The following ZNF469 variants were observed in gnomAD, a reference collection of about 807,000 sequenced individuals.
ZNF469 encodes zinc finger protein 469.
A neutral mutation model predicts 1.0 loss-of-function variants in ZNF469; 1 was observed. The observed-to-expected ratio is 1.00, with a 90% CI of 0.35 to 4.73. ZNF469 has a LOEUF of 4.73. Ranked by LOEUF, ZNF469 falls within the 30% of genes most tolerant of loss-of-function variation. The pLI is 0.16. For synonymous variants in ZNF469, 2,703 were observed against 2,363.4 expected, an observed-to-expected ratio of 1.14 and a Z score of -4.17; for missense variants, 6,100 against 5,356.3, an observed-to-expected ratio of 1.14 and a Z score of -4.33.
At chr16:88,236,609 G>C in the ZNF469 span, among the ~76,000 whole-genome samples, 1 of 152,266 alleles carries the variant, frequency 6.6e-6, no homozygotes, top group African/African-American at 2.4e-5. Context: ...TCTCACGCCT[G>C]TAATCCCAGC....
chr16:88,138,598 T>A, the ZNF469 span, among the ~76,000 whole-genome samples: 1 of 152,266 alleles, frequency 6.6e-6, no homozygotes, highest in South Asian at 2.1e-4. Context: ...ACATTTAGAG[T>A]CATGAAAGGT....
the ZNF469 span, among the ~76,000 whole-genome samples, chr16:88,304,722 A>G: frequency 6.6e-6 from 1 of 152,216 alleles, no homozygotes; most frequent in East Asian, 1.9e-4. Flanking sequence ...CCTCCCAAAG[A>G]GCATCTGCTC....
chr16:88,251,122 C>A, the ZNF469 span, among the ~76,000 whole-genome samples: 6 of 152,206 alleles, frequency 3.9e-5, no homozygotes, highest in African/African-American at 1.4e-4. Context: ...AGGTGATCCA[C>A]CCGCCTCAGC....
chr16:88,226,779 TCCTG>T, the ZNF469 span, among the ~76,000 whole-genome samples: 2 of 142,184 alleles, frequency 1.4e-5, no homozygotes, highest in Non-Finnish European at 3.1e-5. Flanking sequence ...CCTCCTCCCT[TCCTG>T]CCTTTAGTGG....
chr16:88,270,746 C>G, the ZNF469 span, among the ~76,000 whole-genome samples: 1 of 152,244 alleles, frequency 6.6e-6, no homozygotes, highest in Non-Finnish European at 1.5e-5. Flanking sequence ...CATTCCTCCT[C>G]TCTGGGAAGG....
chr16:88,239,278 T>A, the ZNF469 span, among the ~76,000 whole-genome samples: 2 of 152,130 alleles, frequency 1.3e-5, no homozygotes, highest in African/African-American at 4.8e-5. Context: ...TGGGAAAAAA[T>A]TGAAAAGTAG....
At chr16:88,374,396 G>C in the ZNF469 span, among the ~76,000 whole-genome samples, 1 of 152,230 alleles carries the variant, frequency 6.6e-6, no homozygotes, top group Non-Finnish European at 1.5e-5. Context: ...AGGTGCGGGA[G>C]ACTAGGGAGC....
the ZNF469 span, among the ~76,000 whole-genome samples, chr16:88,198,312 G>A: frequency 6.6e-6 from 1 of 152,234 alleles, no homozygotes; most frequent in African/African-American, 2.4e-5. Context: ...CCCAGCGGGG[G>A]ACTTTGGAGC....
the ZNF469 span, among the ~76,000 whole-genome samples, chr16:88,249,576 A>G: frequency 6.6e-6 from 1 of 151,608 alleles, no homozygotes; most frequent in African/African-American, 2.4e-5. Flanking sequence ...AGCTGGGACT[A>G]CAGGTGCCTG....
At chr16:88,293,681 C>T in the ZNF469 span, among the ~76,000 whole-genome samples, 3 of 152,076 alleles carry the variant, frequency 2.0e-5, no homozygotes, top group Admixed American at 2.0e-4. Flanking sequence ...GTGTATTTTC[C>T]CTCTTAACCT....
chr16:88,234,281 G>T, the ZNF469 span, among the ~76,000 whole-genome samples: 1 of 152,264 alleles, frequency 6.6e-6, no homozygotes, highest in Non-Finnish European at 1.5e-5. Flanking sequence ...TGAGTGAGCT[G>T]AAGGATTTAA....
At chr16:88,169,002 T>A in the ZNF469 span, among the ~76,000 whole-genome samples, 1 of 152,004 alleles carries the variant, frequency 6.6e-6, no homozygotes, top group Non-Finnish European at 1.5e-5. The surrounding 1 kb of genome is among the most constrained non-coding windows in gnomAD (Gnocchi z 6.1). Flanking sequence ...GAGGACGCCA[T>A]CTGGAAGGAT....
the ZNF469 span, among the ~76,000 whole-genome samples, chr16:88,257,115 AT>A: frequency 0.29 from 34,258 of 116,910 alleles, 3,845 homozygotes; most frequent in East Asian, 0.42. Context: ...TACCCCACTA[AT>A]TTTTTTTTTT....
chr16:88,227,229 G>A, the ZNF469 span, among the ~76,000 whole-genome samples: 1,164 of 152,292 alleles, frequency 7.6e-3, 19 homozygotes, highest in African/African-American at 0.027. Flanking sequence ...ACATAAGGGC[G>A]GGCACCTGAC....
At chr16:88,208,604 G>A in the ZNF469 span, among the ~76,000 whole-genome samples, 1 of 63,052 alleles carries the variant, frequency 1.6e-5, no homozygotes, top group Non-Finnish European at 3.7e-5. Flanking sequence ...AGAAAGGGAG[G>A]CAGGGAGGGA....
the ZNF469 span, among the ~76,000 whole-genome samples, chr16:88,139,691 A>T: frequency 2.0e-5 from 3 of 152,124 alleles, no homozygotes; most frequent in African/African-American, 7.2e-5. Context: ...AGTGGATCTG[A>T]AACCTTTTTG....
At chr16:88,273,181 G>C in the ZNF469 span, among the ~76,000 whole-genome samples, 8 of 152,102 alleles carry the variant, frequency 5.3e-5, no homozygotes, top group Admixed American at 4.6e-4. Flanking sequence ...AGATGGATGG[G>C]TGAGTGAATG....
At chr16:88,401,519 A>ATGGGTGGATGGT (rs1904856172) in intron 1 of ZNF469, among the ~76,000 whole-genome samples, 1 of 106,428 alleles carries the variant, frequency 9.4e-6, no homozygotes, top group East Asian at 2.4e-4. Context: ...GGGTGAGTGG[A>ATGGGTGGATGGT]TGGATGGATG....
Position 88,435,097 on chromosome 16 carries a change from C to T in ZNF469, c.7627C>T (p.Arg2543Trp), listed in dbSNP as rs747677679. Reference protein sequence around the residue: ...VSGKERPNHSRGDPSHVTQPP... With the variant: ...VSGKERPNHSWGDPSHVTQPP... ...TGGGAAGGAGAGACCAAATCACTCA[C>T]GGGGAGACCCCAGCCACGTCACCCA... The change falls in exon 3 of 3, where the codon CGG becomes TGG. Residue 2543 changes from arginine (R) to tryptophan (W), a missense_variant. Arg to Trp is a moderately radical substitution (Grantham distance 101, BLOSUM62 -3). Coordinates refer to ENST00000565624, the MANE Select transcript of ZNF469 (RefSeq NM_001367624.2). 69 of 1,550,260 alleles carry T rather than the reference C, an allele frequency of 4.5e-5. No homozygotes were observed. The highest frequency in any genetic ancestry group is 5.5e-5 in the Non-Finnish European group (63 of 1,147,000).
Sources: allele counts gnomAD v4.1 joint callset (sites outside exome capture counted in the v4.1 genomes callset), GRCh38; gene constraint gnomAD v4.1.1; non-coding constraint Gnocchi (gnomAD v3.1); transcripts MANE v1.5; gene names NCBI Gene and HGNC (gene_info 2026-07-23, HGNC 2026-07-21).